Variants in DNAH5 observed in about 807,000 individuals in gnomAD.
The protein encoded by DNAH5 is dynein axonemal heavy chain 5.
Under a neutral mutation model 518.2 loss-of-function variants are expected in DNAH5, and 372 were observed. The observed-to-expected ratio is 0.72, with a 90% CI of 0.66 to 0.78. The LOEUF (loss-of-function observed/expected upper bound fraction) is 0.78, where lower values mean the gene tolerates loss of function less well. Among genes scored for constraint, DNAH5 ranks in the 30% least tolerant of loss-of-function variants. DNAH5 has a pLI of 0.00. For missense variants in DNAH5, 5,523 were observed against 5,687.0 expected, an observed-to-expected ratio of 0.97 and a Z score of 0.93; for synonymous variants, 2,039 against 2,025.9, an observed-to-expected ratio of 1.01 and a Z score of -0.17.
intron 65 of DNAH5, among the ~76,000 whole-genome samples, chr5:13,740,356 C>G (rs758882804): frequency 1.5e-4 from 23 of 152,130 alleles, no homozygotes; most frequent in Non-Finnish European, 2.9e-4. Context: ...TCTCTCAAAA[C>G]CCTCCAGTGG....
chr5:13,925,827 C>T (rs1354885496), intron 3 of DNAH5, among the ~76,000 whole-genome samples: 2 of 152,164 alleles, frequency 1.3e-5, no homozygotes, highest in African/African-American at 4.8e-5. Flanking sequence ...AGTGTTCCTA[C>T]TTTTACCTCA....
intron 1 of DNAH5, among the ~76,000 whole-genome samples, chr5:14,004,969 G>C (rs796648371): frequency 7.2e-5 from 11 of 152,176 alleles, no homozygotes; most frequent in African/African-American, 2.6e-4. Context: ...CATGCTTCCA[G>C]AGCCACCTTG....
At chr5:13,913,643 C>A in intron 11 of DNAH5, 100 bp downstream of exon 11, 1 of 1,386,528 alleles carries the variant, frequency 7.2e-7, no homozygotes, top group Non-Finnish European at 9.9e-7. Flanking sequence ...TTTTACTTTA[C>A]AGACTGATGA....
At chr5:13,872,095 A>G (rs114790929) in intron 22 of DNAH5, among the ~76,000 whole-genome samples, 1,853 of 152,256 alleles carry the variant, frequency 0.012, 11 homozygotes, top group Middle Eastern at 0.024. Flanking sequence ...TCAAGCTCAC[A>G]CTACAGGGAA....
intron 1 of DNAH5, among the ~76,000 whole-genome samples, chr5:13,965,555 T>C (rs1781473068): frequency 6.6e-6 from 1 of 152,214 alleles, no homozygotes; most frequent in South Asian, 2.1e-4. Context: ...TAAGGCATTA[T>C]TTGGCAGAGA....
At position 13,891,089 on chromosome 5, in the gene DNAH5, C is replaced by A. The variant is rs1773158956; in HGVS notation, c.2464G>T (p.Asp822Tyr). 6.2e-7 allele frequency: 1 copy of A among 1,614,102 alleles called. No homozygotes were observed. Among genetic ancestry groups the A allele is most frequent in the Non-Finnish European group, 8.5e-7 (1 of 1,179,998 alleles). ...GCATCAATGCGGAACTCAATCAAATCATTGACCCTGTCAAGCAGCAACTCC... is the reference window on the plus strand; with the variant it reads ...GCATCAATGCGGAACTCAATCAAATAATTGACCCTGTCAAGCAGCAACTCC... Reference protein sequence around the residue: ...DLELLLDRVNDLIEFRIDAIL... With the variant: ...DLELLLDRVNYLIEFRIDAIL... Residue 822 changes from aspartate (D) to tyrosine (Y), a missense_variant, in exon 17 of 79, where the codon GAT (aspartate) becomes TAT (tyrosine). Around this residue, in one of 3 missense-constraint regions of DNAH5, gnomAD observed 5,121 missense variants for 5,223.3 expected, o/e 0.98. Transcript: ENST00000265104.
At chr5:13,989,701 T>C (rs1260836899) in intron 1 of DNAH5, among the ~76,000 whole-genome samples, 1 of 152,118 alleles carries the variant, frequency 6.6e-6, no homozygotes, top group African/African-American at 2.4e-5. Flanking sequence ...GCCAGGATGA[T>C]CTCGATCTCC....
chr5:13,723,105 A>C (rs1745276094), intron 70 of DNAH5, among the ~76,000 whole-genome samples: 1 of 152,222 alleles, frequency 6.6e-6, no homozygotes. Context: ...TTTGAGGCAC[A>C]GGATGCTATT....
chr5:13,746,662 T>A (rs73749946), intron 65 of DNAH5, among the ~76,000 whole-genome samples: 116 of 152,222 alleles, frequency 7.6e-4, no homozygotes, highest in Middle Eastern at 3.4e-3. Context: ...TGGGAGGCAA[T>A]TAGTATTAAC....
chr5:13,991,184 G>A (rs981914119), intron 1 of DNAH5, among the ~76,000 whole-genome samples: 2 of 152,078 alleles, frequency 1.3e-5, no homozygotes, highest in African/African-American at 4.8e-5. Flanking sequence ...TGTGAAAAGA[G>A]GGAAAGGGAA....
chr5:13,890,858 C>G, intron 17 of DNAH5, 118 bp downstream of exon 17: 1 of 1,116,754 alleles, frequency 9.0e-7, no homozygotes. Flanking sequence ...TGAATCACTT[C>G]TATCACAGAG....
At chr5:13,706,766 C>A (rs891804598) in intron 76 of DNAH5, among the ~76,000 whole-genome samples, 2 of 152,208 alleles carry the variant, frequency 1.3e-5, no homozygotes, top group African/African-American at 4.8e-5. Flanking sequence ...GTCTTTAGCA[C>A]AATTACTAAC....
rs1006219078 is a variant in DNAH5 at position 14,007,369 on chromosome 5, C to A, written c.12+4279G>T. Among the ~76,000 whole-genome samples, 5 of 152,152 alleles carry A rather than the reference C, an allele frequency of 3.3e-5. No homozygotes were observed. In the East Asian group the frequency reaches 9.6e-4, roughly 29 times the overall value. On this transcript the variant is annotated intron_variant, in intron 1 of 78. Coordinates refer to the DNAH5 transcript ENST00000681290. ...TTTGTTTTTTTTTCCAATGTCCAAG[C>A]AGTCCAGAAAAGTCACACCCACTCC...
intron 47 of DNAH5, 70 bp from the exon 48 acceptor site, chr5:13,794,128 A>G: frequency 6.3e-7 from 1 of 1,599,054 alleles, no homozygotes. Flanking sequence ...ATTTTAAAAA[A>G]CAACAAAAAC....
intron 55 of DNAH5, among the ~76,000 whole-genome samples, chr5:13,774,898 C>T (rs1450463852): frequency 6.6e-6 from 1 of 152,086 alleles, no homozygotes; most frequent in Non-Finnish European, 1.5e-5. Context: ...GTATCTGTCA[C>T]CTGAAATTGT....
chr5:13,696,219 C>G (rs78162876), intron 78 of DNAH5, among the ~76,000 whole-genome samples: 3,432 of 152,314 alleles, frequency 0.023, 116 homozygotes, highest in African/African-American at 0.078. Flanking sequence ...GTTCCAATCA[C>G]GGTTTTCCAT....
In DNAH5 at chr5:13,826,992, C is replaced by T. The variant is rs186510694; in HGVS notation, c.6444+2518G>A. Among the ~76,000 whole-genome samples the T allele has an allele frequency of 3.5e-3, 536 of 152,240 alleles. 10 individuals are homozygous for T. The highest frequency in any genetic ancestry group is 1.4e-3 in the Non-Finnish European group (92 of 68,018). On this transcript the variant is annotated intron_variant, in intron 38 of 78. Transcript: ENST00000265104. ...TGAGAGTTATATGGACAGTGATTTC[C>T]GGCTGAGGTGGTCTCAGATAAAGAT...
chr5:13,976,687 GTGTATATA>G (rs1462645903), intron 1 of DNAH5, among the ~76,000 whole-genome samples: 3,881 of 121,310 alleles, frequency 0.032, 168 homozygotes, highest in African/African-American at 0.11. Context: ...ATGTGTGTGT[GTGTATATA>G]TATATATATA....
At position 13,859,634 on chromosome 5, in the gene DNAH5, G is replaced by T. The variant is rs1502043; in HGVS notation, c.4797-29C>A. Reference sequence around the variant, plus strand: ...AAATAAGAAATAGGTTTAGGGTTTGGTTTTGTTTTTGTTGTGCTGTTGTTT... The same window carrying T: ...AAATAAGAAATAGGTTTAGGGTTTGTTTTTGTTTTTGTTGTGCTGTTGTTT... On this transcript the variant is annotated intron_variant, in intron 29 of 78. Transcript: ENST00000265104. 637,782 of 1,608,722 alleles carry T rather than the reference G, an allele frequency of 0.4. 128,856 individuals are homozygous for T. The highest frequency in any genetic ancestry group is 0.45 in the South Asian group (40,834 of 90,856).
Sources: allele counts gnomAD v4.1 joint callset (sites outside exome capture counted in the v4.1 genomes callset), GRCh38; gene constraint gnomAD v4.1.1; regional missense constraint gnomAD v4.1.1; transcripts MANE v1.5; gene names NCBI Gene and HGNC (gene_info 2026-07-23, HGNC 2026-07-21).